The following ZCCHC14 variants were observed in gnomAD, a reference collection of about 807,000 sequenced individuals.
The protein encoded by ZCCHC14 is zinc finger CCHC-type containing 14.
A neutral mutation model predicts 85.0 loss-of-function variants in ZCCHC14; 16 were observed. The observed-to-expected ratio is 0.19, with a 90% confidence interval of 0.13 to 0.29. The LOEUF (loss-of-function observed/expected upper bound fraction) is 0.29. Among genes scored for constraint, ZCCHC14 ranks in the 10% least tolerant of loss-of-function variants. ZCCHC14 has a pLI of 1.00. For missense variants in ZCCHC14, 1,303 were observed against 1,443.5 expected (o/e 0.90, Z 1.58); for synonymous variants, 775 against 630.7 (o/e 1.23, Z -3.43).
At chr16:87,431,441 C>G (rs1909654177) in intron 3 of ZCCHC14, among the ~76,000 whole-genome samples, 1 of 149,342 alleles carries the variant, frequency 6.7e-6, no homozygotes, top group Non-Finnish European at 1.5e-5. Flanking sequence ...TCACTGCACT[C>G]CAGCCTGGGC....
intron 3 of ZCCHC14, among the ~76,000 whole-genome samples, chr16:87,425,802 T>C (rs1270815434): frequency 6.6e-6 from 1 of 152,124 alleles, no homozygotes; most frequent in African/African-American, 2.4e-5. Context: ...AGGTAAAGCG[T>C]GTCATAGAAA....
intron 1 of ZCCHC14, among the ~76,000 whole-genome samples, chr16:87,485,482 A>G (rs1358970022): frequency 1.3e-5 from 2 of 152,074 alleles, no homozygotes; most frequent in East Asian, 3.9e-4. Flanking sequence ...TGTTAAGACT[A>G]AAGTCCAAAA....
At chr16:87,482,110 G>A (rs1393586303) in intron 1 of ZCCHC14, among the ~76,000 whole-genome samples, 1 of 152,158 alleles carries the variant, frequency 6.6e-6, no homozygotes, top group African/African-American at 2.4e-5. Flanking sequence ...CTGCCGCACT[G>A]GGGATTAAGT....
intron 1 of ZCCHC14, chr16:87,473,373 T>C (rs1361383402): frequency 6.6e-6 from 1 of 152,194 alleles, no homozygotes; most frequent in African/African-American, 2.4e-5. Context: ...CAGCTAATTT[T>C]TGTATTATTA....
chr16:87,451,191 C>T (rs1024668584), intron 2 of ZCCHC14, among the ~76,000 whole-genome samples: 6 of 136,358 alleles, frequency 4.4e-5, no homozygotes, highest in African/African-American at 1.4e-4. Context: ...TGAGACATGG[C>T]GCCCAGCCTT....
intron 3 of ZCCHC14, among the ~76,000 whole-genome samples, chr16:87,425,964 A>T (rs1184394575): frequency 1.3e-5 from 2 of 152,242 alleles, no homozygotes; most frequent in Admixed American, 6.5e-5. Context: ...TGCTTTTCCA[A>T]CAGTTATGCA....
chr16:87,407,898 G>A lies in ZCCHC14; in HGVS notation c.*2382C>T, dbSNP rs149419095. On this transcript the variant is annotated 3_prime_UTR_variant, in exon 13 of 13. Transcript: ENST00000671377. The stretch of plus-strand genomic sequence containing the variant: ...GGCTCCCTCCGGAAAGAGGCCTCAC[G>A]GATGGGTGGTTCCATTTTCTCTGCG... 6.5e-6 allele frequency: 1 copy of A among 152,818 alleles called. No homozygotes were observed. Among genetic ancestry groups the A allele is most frequent in the African/African-American group, 2.4e-5 (1 of 41,580 alleles). The allele number at this position is 152,818 out of a possible 1,614,324, so 9.5% of individuals were successfully genotyped here.
intron 2 of ZCCHC14, among the ~76,000 whole-genome samples, chr16:87,442,397 T>C (rs781615843): frequency 1.3e-5 from 2 of 152,110 alleles, no homozygotes. Flanking sequence ...TATCATACTA[T>C]TCAAGAAAAT....
At chr16:87,436,799 T>C (rs1189803229) in intron 2 of ZCCHC14, among the ~76,000 whole-genome samples, 1 of 152,182 alleles carries the variant, frequency 6.6e-6, no homozygotes, top group African/African-American at 2.4e-5. Flanking sequence ...GACAGTTTTG[T>C]TTAAAATGGA....
intron 12 of ZCCHC14, among the ~76,000 whole-genome samples, chr16:87,411,088 C>A (rs8045843): frequency 6.6e-6 from 1 of 152,110 alleles, no homozygotes; most frequent in Non-Finnish European, 1.5e-5. Flanking sequence ...GGGTGACAGC[C>A]CCCCACACCC....
chr16:87,459,871 A>C, intron 2 of ZCCHC14, 137 bp downstream of exon 2: 1 of 1,374,444 alleles, frequency 7.3e-7, no homozygotes, highest in Non-Finnish European at 9.9e-7. Flanking sequence ...TGTATTGCTT[A>C]TAGAATTTAG....
chr16:87,430,243 G>T (rs1328024219), intron 3 of ZCCHC14, among the ~76,000 whole-genome samples: 1 of 152,126 alleles, frequency 6.6e-6, no homozygotes, highest in African/African-American at 2.4e-5. Context: ...CGGGAGTCAA[G>T]GCTTGCTTCT....
At chr16:87,445,642 A>G (rs1349241182) in intron 2 of ZCCHC14, among the ~76,000 whole-genome samples, 3 of 152,154 alleles carry the variant, frequency 2.0e-5, no homozygotes, top group Non-Finnish European at 2.9e-5. Flanking sequence ...TTATTACCAG[A>G]TAGTCCCTCA....
rs1001417632 is a variant in ZCCHC14 at position 87,491,371 on chromosome 16, G to A, written c.570+298C>T. ...AGTGCAGACTTAGGGTGAGGAGTGC[G>A]GGCTTAGGATGGGGGCTTGGGATGT... On this transcript the variant is annotated intron_variant, in intron 1 of 12. Transcript: ENST00000671377. The surrounding 1 kb of genome is among the most constrained non-coding windows in gnomAD (Gnocchi z 5.9). 2.0e-5 allele frequency among the ~76,000 whole-genome samples: 3 copies of A among 152,162 alleles called. No homozygotes were observed. The highest frequency in any genetic ancestry group is 6.5e-5 in the Admixed American group (1 of 15,284).
At chr16:87,461,229 G>A (rs1312409995) in intron 1 of ZCCHC14, among the ~76,000 whole-genome samples, 1 of 152,256 alleles carries the variant, frequency 6.6e-6, no homozygotes, top group Non-Finnish European at 1.5e-5. Context: ...TGGGTTCAGT[G>A]ATGGTGTGAA....
chr16:87,477,142 C>CAAAAAAAAAAA lies in ZCCHC14; in HGVS notation c.570+14526_570+14527insTTTTTTTTTTT, dbSNP rs1567542354. On this transcript the variant is annotated intron_variant, in intron 1 of 12. Transcript: ENST00000671377. The stretch of plus-strand genomic sequence containing the variant: ...TCTCAAAAAAAAAAAAAAAAAAAAA[C>CAAAAAAAAAAA]AAAACAAAACCAAAAAAAAATTGAA... Among the ~76,000 whole-genome samples, 6 of 78,606 alleles carry CAAAAAAAAAAA rather than the reference C, an allele frequency of 7.6e-5. 1 individual carries two copies. The highest frequency in any genetic ancestry group is 4.0e-4 in the African/African-American group (6 of 14,870). 51.6% of individuals were successfully genotyped at this position (78,606 alleles called of 152,430 possible). A position where few individuals can be genotyped will look rare whatever the true frequency, so the allele number is the denominator to read the frequency against.
chr16:87,468,688 T>C (rs1332240304), intron 1 of ZCCHC14, among the ~76,000 whole-genome samples: 1 of 152,248 alleles, frequency 6.6e-6, no homozygotes, highest in Non-Finnish European at 1.5e-5. Flanking sequence ...GGGGGAAATT[T>C]TGTCCCCAGG....
intron 2 of ZCCHC14, among the ~76,000 whole-genome samples, chr16:87,446,612 C>T (rs1910450768): frequency 6.6e-6 from 1 of 152,096 alleles, no homozygotes. Context: ...ATGCTGACAA[C>T]AAACTCTACC....
intron 4 of ZCCHC14, among the ~76,000 whole-genome samples, chr16:87,423,168 A>T (rs1909192053): frequency 6.6e-6 from 1 of 152,126 alleles, no homozygotes; most frequent in African/African-American, 2.4e-5. Context: ...GGCCCTAAAC[A>T]CGTGTGCAGT....
Sources: gnomAD v4.1 joint callset for allele counts (sites outside exome capture counted in the v4.1 genomes callset) on GRCh38, gnomAD v4.1.1 for gene constraint, Gnocchi (gnomAD v3.1) non-coding constraint, MANE v1.5 for transcripts, NCBI Gene and HGNC (gene_info 2026-07-23, HGNC 2026-07-21) for gene names.